The following HHAT variants were observed in gnomAD, a reference collection of about 807,000 sequenced individuals.
HHAT encodes the protein hedgehog acyltransferase, also known as protein-cysteine N-palmitoyltransferase HHAT.
HHAT carries 47 observed loss-of-function variants against 70.8 expected under a neutral mutation model. That is an observed-to-expected ratio of 0.66 (90% CI 0.53 to 0.85). The LOEUF (loss-of-function observed/expected upper bound fraction) is 0.85, where lower values mean the gene tolerates loss of function less well. HHAT is among the 40% of genes least tolerant of loss of function. The pLI is 0.00. For missense variants in HHAT, 609 were observed against 604.8 expected (o/e 1.01, Z -0.07); for synonymous variants, 228 against 247.6 (o/e 0.92, Z 0.74).
chr1:210,419,596 CCTT>C (rs1001884905), intron 7 of HHAT, among the ~76,000 whole-genome samples: 1 of 152,154 alleles, frequency 6.6e-6, no homozygotes, highest in Non-Finnish European at 1.5e-5. Flanking sequence ...AAGCCTGACT[CCTT>C]CTTTATCTGT....
chr1:210,606,514 C>G (rs1665474769), intron 10 of HHAT, among the ~76,000 whole-genome samples: 1 of 152,016 alleles, frequency 6.6e-6, no homozygotes, highest in African/African-American at 2.4e-5. Flanking sequence ...CTCTTCCTTT[C>G]CTGGAGAATC....
At chr1:210,464,847 C>T (rs529631498) in intron 8 of HHAT, among the ~76,000 whole-genome samples, 192 bp downstream of exon 8, 2 of 152,160 alleles carry the variant, frequency 1.3e-5, no homozygotes, top group Non-Finnish European at 2.9e-5. Flanking sequence ...TATGATTAGT[C>T]TGTGTAGATA....
chr1:210,506,614 G>A (rs1025322295), intron 8 of HHAT, among the ~76,000 whole-genome samples: 3 of 152,186 alleles, frequency 2.0e-5, no homozygotes, highest in Non-Finnish European at 4.4e-5. Context: ...CTTAAAAGGT[G>A]ATAAGAATGA....
In HHAT at chr1:210,520,077, G is replaced by A. The variant is rs373506940; in HGVS notation, c.1043+6889G>A. 1.6e-3 allele frequency among the ~76,000 whole-genome samples: 241 copies of A among 151,972 alleles called. 1 individual carries two copies. Among genetic ancestry groups the A allele is most frequent in the African/African-American group, 5.5e-3 (227 of 41,464 alleles). On this transcript the variant is annotated intron_variant, in intron 9 of 11. Coordinates refer to ENST00000261458, the MANE Select transcript of HHAT (RefSeq NM_018194.6). Reference sequence around the variant, plus strand: ...ATCACCCAGACTGGAGTGCAATGGCGTGATCTCAGCTCACTGTAACCTCTG... The same window carrying A: ...ATCACCCAGACTGGAGTGCAATGGCATGATCTCAGCTCACTGTAACCTCTG...
intron 1 of HHAT, among the ~76,000 whole-genome samples, chr1:210,335,135 G>A (rs1357971306): frequency 6.6e-6 from 1 of 152,058 alleles, no homozygotes; most frequent in Non-Finnish European, 1.5e-5. Context: ...AGACACATAA[G>A]TCTTAAATAT....
chr1:210,625,526 G>T (rs774190438), intron 11 of HHAT, among the ~76,000 whole-genome samples: 1 of 152,228 alleles, frequency 6.6e-6, no homozygotes, highest in Non-Finnish European at 1.5e-5. Context: ...CTGGATGTAT[G>T]AGTGAGTTAC....
chr1:210,372,633 C>T (rs1279059547), intron 3 of HHAT, among the ~76,000 whole-genome samples: 1 of 152,168 alleles, frequency 6.6e-6, no homozygotes, highest in African/African-American at 2.4e-5. Flanking sequence ...CACGGAAGTT[C>T]CTTCTGAGGC....
chr1:210,345,676 A>G (rs79458631), intron 1 of HHAT, among the ~76,000 whole-genome samples: 7,328 of 152,330 alleles, frequency 0.048, 239 homozygotes, highest in South Asian at 0.088. Context: ...CTTTTTGCTT[A>G]TATCAATTAG....
chr1:210,674,255 A>C, intron 11 of HHAT, 33 bp from the exon 12 acceptor site: 4 of 1,567,178 alleles, frequency 2.6e-6, no homozygotes, highest in Non-Finnish European at 3.5e-6. Flanking sequence ...AAGCATTTCT[A>C]ACTGCTCTTC....
rs554033084 is a variant in HHAT at position 210,640,901 on chromosome 1, G to A, written c.1390+17231G>A. On this transcript the variant is annotated intron_variant, in intron 11 of 11. Coordinates refer to ENST00000261458, the MANE Select transcript of HHAT (RefSeq NM_018194.6). ...GATTGAACTAGAATTCAAGTTAAAT[G>A]ACCTGCCAAACCCACCTAGGTAGTA... Among the ~76,000 whole-genome samples, 4 of 152,270 alleles carry A rather than the reference G, an allele frequency of 2.6e-5. No homozygotes were observed. The East Asian group carries it at 7.7e-4, about 29-fold the overall frequency.
chr1:210,396,593 T>G (rs2091800498), intron 4 of HHAT, among the ~76,000 whole-genome samples: 1 of 152,206 alleles, frequency 6.6e-6, no homozygotes, highest in Admixed American at 6.5e-5. Context: ...TCTTGGGCAT[T>G]TATCCCAGAG....
At position 210,587,924 on chromosome 1, in the gene HHAT, C is replaced by G. The variant is rs1336939401; in HGVS notation, c.1070C>G (p.Ser357Cys). Residue 357 changes from serine to cysteine, a missense_variant, in exon 10 of 12, where the codon TCC (serine) becomes TGC (cysteine). Physicochemically the swap from Ser to Cys is moderately radical, Grantham distance 112. Coordinates refer to ENST00000261458, the MANE Select transcript of HHAT (RefSeq NM_018194.6). ...IRYVYIPVGG[S>C]QHGLLGTLFS... ...TATGTGTACATTCCAGTGGGCGGGT[C>G]CCAGCATGGCCTGCTGGGGACACTG... 6.2e-7 allele frequency: 1 copy of G among 1,613,894 alleles called. No homozygotes were observed. The highest frequency in any genetic ancestry group is 1.7e-5 in the Admixed American group (1 of 60,006).
chr1:210,588,838 T>C (rs986002433), intron 10 of HHAT: 1 of 152,214 alleles, frequency 6.6e-6, no homozygotes, highest in African/African-American at 2.4e-5. Context: ...AAATCCTTGA[T>C]AGGTATTGTA....
intron 10 of HHAT, among the ~76,000 whole-genome samples, chr1:210,623,053 T>G (rs1359765379): frequency 1.3e-5 from 2 of 152,156 alleles, no homozygotes; most frequent in African/African-American, 4.8e-5. Context: ...TAGGGTAGAA[T>G]GAACATGGTG....
rs117277655 is a variant in HHAT, at chr1:210,427,854, A to G, written c.856+9529A>G. On this transcript the variant is annotated intron_variant, in intron 7 of 11. Transcript: ENST00000261458. ...TGAGTTCAGGTCCTAAATGTCTTTAATTTTCTGTCTAGATGATCTGTCTAA... is the reference window on the plus strand; with the variant it reads ...TGAGTTCAGGTCCTAAATGTCTTTAGTTTTCTGTCTAGATGATCTGTCTAA... Among the ~76,000 whole-genome samples, 14 of 151,166 alleles carry G rather than the reference A, an allele frequency of 9.3e-5. No individual in the cohort carries two copies. In the East Asian group the frequency reaches 2.5e-3, roughly 27 times the overall value.
chr1:210,496,814 C>T (rs532491893), intron 8 of HHAT, among the ~76,000 whole-genome samples: 5 of 152,156 alleles, frequency 3.3e-5, no homozygotes, highest in Non-Finnish European at 5.9e-5. Context: ...GAAGTCTTAC[C>T]GGGCTATGGG....
intron 1 of HHAT, among the ~76,000 whole-genome samples, chr1:210,346,685 C>T (rs987334348): frequency 1.4e-4 from 21 of 152,312 alleles, no homozygotes; most frequent in East Asian, 3.9e-4. Flanking sequence ...TTTCTGAAAT[C>T]GTGGTTTATC....
At chr1:210,647,080 C>G (rs912234410) in intron 11 of HHAT, among the ~76,000 whole-genome samples, 5 of 152,196 alleles carry the variant, frequency 3.3e-5, no homozygotes, top group African/African-American at 1.2e-4. Flanking sequence ...TCTCCCAGTT[C>G]TGGAGGCTTG....
In HHAT at chr1:210,448,473, A is replaced by G. The variant is rs539887175; in HGVS notation, c.857-16032A>G. On this transcript the variant is annotated intron_variant, in intron 7 of 11. Transcript: ENST00000261458. ...AATAGTTTAGGGTAGACATACTAGA[A>G]GGGGCCAGGAGGTGGCAGTAAAAGA... Among the ~76,000 whole-genome samples, 4 of 152,308 alleles carry G rather than the reference A, an allele frequency of 2.6e-5. No individual in the cohort carries two copies. In the East Asian group the frequency reaches 7.7e-4, roughly 29 times the overall value.
Sources: gnomAD v4.1 joint callset for allele counts (sites outside exome capture counted in the v4.1 genomes callset) on GRCh38, gnomAD v4.1.1 for gene constraint, MANE v1.5 for transcripts, NCBI Gene and HGNC (gene_info 2026-07-23, HGNC 2026-07-21) for gene names.